GRIP1: variants seen among roughly 807,000 people sequenced by gnomAD.
The protein encoded by GRIP1 is glutamate receptor interacting protein 1.
Under a neutral mutation model 129.9 loss-of-function variants are expected in GRIP1, and 45 were observed. That is an observed-to-expected ratio of 0.35 (90% CI 0.27 to 0.44). The LOEUF (loss-of-function observed/expected upper bound fraction) is 0.44. Ranked by LOEUF, GRIP1 falls within the 20% of genes least tolerant of loss-of-function variation. The probability of loss-of-function intolerance (pLI) is 1.00; values close to 1 mark genes in which losing one functional copy is unlikely to be tolerated. For synonymous variants in GRIP1, 530 were observed against 520.8 expected, an observed-to-expected ratio of 1.02 and a Z score of -0.24; for missense variants, 1,196 against 1,396.8, an observed-to-expected ratio of 0.86 and a Z score of 2.29.
chr12:66,910,356 A>G (rs7486333), intron 1 of GRIP1, among the ~76,000 whole-genome samples: 9,939 of 152,244 alleles, frequency 0.065, 440 homozygotes, highest in East Asian at 0.18. Flanking sequence ...CCTGCATTCT[A>G]TAAAATGTAA....
chr12:66,573,087 GTATATATGTCGGCATATATATGTTA>G (rs201092862), intron 2 of GRIP1, among the ~76,000 whole-genome samples: 43,867 of 151,756 alleles, frequency 0.29, 6,659 homozygotes, highest in African/African-American at 0.38. Context: ...TATATATGTT[GTATATATGTCGGCATATATATGTTA>G]TATATATGCC....
At chr12:66,874,214 G>A (rs1311949098) in intron 1 of GRIP1, among the ~76,000 whole-genome samples, 2 of 152,054 alleles carry the variant, frequency 1.3e-5, no homozygotes, top group African/African-American at 4.8e-5. Flanking sequence ...CTTTTAAAAT[G>A]GAATGTGTAT....
intron 1 of GRIP1, among the ~76,000 whole-genome samples, chr12:66,863,786 T>G (rs1276864334): frequency 6.6e-6 from 1 of 152,042 alleles, no homozygotes; most frequent in African/African-American, 2.4e-5. Flanking sequence ...ATCGATAATT[T>G]TATAAAATGC....
At chr12:66,650,538 A>C (rs191639636) in intron 1 of GRIP1, among the ~76,000 whole-genome samples, 2 of 152,312 alleles carry the variant, frequency 1.3e-5, no homozygotes, top group Admixed American at 6.5e-5. Context: ...AAAAGACCTA[A>C]TGGAAATATG....
At chr12:66,881,130 T>A (rs1278871855) in intron 1 of GRIP1, among the ~76,000 whole-genome samples, 1 of 151,976 alleles carries the variant, frequency 6.6e-6, no homozygotes, top group Non-Finnish European at 1.5e-5. Flanking sequence ...ATCTAATGAA[T>A]GGTAAACAGA....
chr12:67,068,898 C>T (rs1457095845), intron 1 of GRIP1, among the ~76,000 whole-genome samples: 3 of 126,358 alleles, frequency 2.4e-5, no homozygotes, highest in Admixed American at 1.9e-4. Flanking sequence ...GTTCGCAAGA[C>T]GCCACCTGGA....
intron 9 of GRIP1, among the ~76,000 whole-genome samples, chr12:66,457,904 A>G (rs1402929436): frequency 2.0e-5 from 3 of 152,232 alleles, no homozygotes; most frequent in Non-Finnish European, 4.4e-5. Flanking sequence ...TCATGAAATC[A>G]TCTACCTCAC....
At chr12:66,371,974 AAAGGATTTGGTGCTC>A (rs2055530943) in intron 22 of GRIP1, 47 bp from the exon 23 acceptor site, 4 of 1,265,358 alleles carry the variant, frequency 3.2e-6, no homozygotes, top group Non-Finnish European at 4.6e-6. Context: ...TGGACTAAGG[AAAGGATTTGGTGCTC>A]AACAGTAAGC....
At chr12:67,060,359 T>C (rs1036316936) in intron 1 of GRIP1, among the ~76,000 whole-genome samples, 1 of 152,224 alleles carries the variant, frequency 6.6e-6, no homozygotes, top group Non-Finnish European at 1.5e-5. Flanking sequence ...GCAAATAATA[T>C]CAAATCATAT....
At chr12:66,474,416 C>G (rs186204178) in intron 7 of GRIP1, among the ~76,000 whole-genome samples, 5 of 152,228 alleles carry the variant, frequency 3.3e-5, no homozygotes, top group South Asian at 2.1e-4. Flanking sequence ...AGGATATTAT[C>G]CAGTAGAACT....
At chr12:66,401,100 G>A (rs1445564996) in intron 16 of GRIP1, among the ~76,000 whole-genome samples, 3 of 152,164 alleles carry the variant, frequency 2.0e-5, no homozygotes, top group African/African-American at 7.2e-5. Context: ...GAAGGCAGGA[G>A]GGTGGCTGAA....
At chr12:66,371,992 CAGTA>C in intron 22 of GRIP1, 65 bp from the exon 23 acceptor site, 1 of 1,025,472 alleles carries the variant, frequency 9.8e-7, no homozygotes, top group East Asian at 2.4e-5. Flanking sequence ...TGGTGCTCAA[CAGTA>C]AGCACATTTC....
At chr12:66,554,311 T>C (rs188643961) in intron 2 of GRIP1, among the ~76,000 whole-genome samples, 1 of 152,282 alleles carries the variant, frequency 6.6e-6, no homozygotes, top group Non-Finnish European at 1.5e-5. Flanking sequence ...ACTCACTGCC[T>C]TGAAGGGAAG....
At chr12:66,568,171 C>A in intron 2 of GRIP1, 1 of 245,374 alleles carries the variant, frequency 4.1e-6, no homozygotes, top group African/African-American at 2.3e-5. Context: ...GCTCTGTGTT[C>A]TCTTTGGTAT....
chr12:66,768,287 T>C (rs2037708336), intron 1 of GRIP1, among the ~76,000 whole-genome samples: 1 of 152,222 alleles, frequency 6.6e-6, no homozygotes, highest in East Asian at 1.9e-4. Context: ...ATATTTTATA[T>C]AATCTCAGTG....
chr12:66,452,172 G>C (rs1016767205), intron 11 of GRIP1, among the ~76,000 whole-genome samples: 4 of 152,202 alleles, frequency 2.6e-5, no homozygotes, highest in African/African-American at 9.7e-5. Flanking sequence ...AAACTAGCTA[G>C]ATCTGTTGCT....
chr12:66,871,258 A>C (rs2040291485), intron 1 of GRIP1, among the ~76,000 whole-genome samples: 1 of 152,082 alleles, frequency 6.6e-6, no homozygotes, highest in Non-Finnish European at 1.5e-5. Context: ...AAACATAATC[A>C]CCTGATGAAA....
chr12:66,621,248 T>C (rs1404857617), intron 1 of GRIP1, among the ~76,000 whole-genome samples: 1 of 152,126 alleles, frequency 6.6e-6, no homozygotes, highest in East Asian at 1.9e-4. Context: ...TTTGTACTAA[T>C]TAAACAATAA....
In GRIP1 at chr12:66,678,969, A is replaced by G; in HGVS notation, c.-65T>C. On this transcript the variant is annotated 5_prime_UTR_variant, in exon 1 of 25. Coordinates refer to ENST00000359742, the MANE Select transcript of GRIP1 (RefSeq NM_001366722.1). ...TCTCTGCTCTGGTGGCTGCAGCAGCAGCAGCATATGAATTCCTTGCGCACA... is the reference window on the plus strand; with the variant it reads ...TCTCTGCTCTGGTGGCTGCAGCAGCGGCAGCATATGAATTCCTTGCGCACA... 1.2e-6 allele frequency: 2 copies of G among 1,611,302 alleles called. No individual in the cohort carries two copies. The highest frequency in any genetic ancestry group is 1.7e-6 in the Non-Finnish European group (2 of 1,178,364).
Sources: gnomAD v4.1 joint callset for allele counts (sites outside exome capture counted in the v4.1 genomes callset) on GRCh38, gnomAD v4.1.1 for gene constraint, MANE v1.5 for transcripts, NCBI Gene and HGNC (gene_info 2026-07-23, HGNC 2026-07-21) for gene names.